HNRNPM: variants seen among roughly 807,000 people sequenced by gnomAD.
HNRNPM encodes CEA receptor.
HNRNPM carries 11 observed loss-of-function variants against 73.1 expected under a neutral mutation model. That is an observed-to-expected ratio of 0.15 (90% CI 0.09 to 0.25). HNRNPM has a LOEUF of 0.25. HNRNPM is among the 10% of genes least tolerant of loss of function. The pLI is 1.00. For synonymous variants in HNRNPM, 407 were observed against 355.2 expected (o/e 1.15, Z -1.64); for missense variants, 789 against 1,067.9 (o/e 0.74, Z 3.64).
rs768607152 is a variant in HNRNPM at position 8,462,988 on chromosome 19, G to A, written c.336+407G>A. Among the ~76,000 whole-genome samples the A allele has an allele frequency of 8.5e-5, 13 of 152,182 alleles. No individual in the cohort carries two copies. Among genetic ancestry groups the A allele is most frequent in the South Asian group, 2.1e-4 (1 of 4,834 alleles). On this transcript the variant is annotated intron_variant, in intron 3 of 15. Transcript: ENST00000325495. The surrounding 1 kb of genome is among the most constrained non-coding windows in gnomAD (Gnocchi z 4.5). ...GAAAGTTGTGTGAACCAAAGATTCC[G>A]AAAAGTTGCCTTTGTGCCAGTAAAT...
intron 9 of HNRNPM, 74 bp from the exon 10 acceptor site, chr19:8,471,252 A>T: frequency 1.1e-6 from 1 of 914,930 alleles, no homozygotes; most frequent in Non-Finnish European, 1.6e-6. Flanking sequence ...GCAACTCACT[A>T]AACACTCTTT....
chr19:8,472,008 T>C (rs1970175893), intron 10 of HNRNPM, among the ~76,000 whole-genome samples: 1 of 151,968 alleles, frequency 6.6e-6, no homozygotes, highest in East Asian at 1.9e-4. Context: ...CCATCTCTAC[T>C]AAAAATAAAA....
intron 1 of HNRNPM, among the ~76,000 whole-genome samples, 190 bp from the exon 2 acceptor site, chr19:8,455,215 A>G: frequency 6.6e-6 from 1 of 152,104 alleles, no homozygotes; most frequent in East Asian, 1.9e-4. Flanking sequence ...TCCTGGCCTC[A>G]AATGATCCCC....
intron 8 of HNRNPM, 85 bp from the exon 9 acceptor site, chr19:8,468,678 CTGGTCCTCTCT>C (rs1969925226): frequency 1.2e-6 from 1 of 867,826 alleles, no homozygotes; most frequent in African/African-American, 1.7e-5. Context: ...ATGTGTTTAG[CTGGTCCTCTCT>C]TGATGGGGGG....
At chr19:8,449,860 C>T (rs1288127897) in intron 1 of HNRNPM, among the ~76,000 whole-genome samples, 2 of 152,138 alleles carry the variant, frequency 1.3e-5, no homozygotes, top group East Asian at 1.9e-4. Context: ...AAGCTGTAAG[C>T]GTGTAGGTAG....
intron 1 of HNRNPM, among the ~76,000 whole-genome samples, chr19:8,454,348 C>T (rs1223119765): frequency 6.6e-6 from 1 of 152,180 alleles, no homozygotes; most frequent in East Asian, 1.9e-4. Flanking sequence ...CAGTGACTGG[C>T]TTATTTCACT....
At chr19:8,470,918 G>T (rs536088587) in intron 9 of HNRNPM, among the ~76,000 whole-genome samples, 5 of 152,248 alleles carry the variant, frequency 3.3e-5, no homozygotes, top group African/African-American at 7.2e-5. Flanking sequence ...TGATTGGCTG[G>T]TTTGTAACGT....
chr19:8,447,253 T>A (rs1215624663), intron 1 of HNRNPM, among the ~76,000 whole-genome samples: 2 of 114,056 alleles, frequency 1.8e-5, no homozygotes, highest in Non-Finnish European at 3.6e-5. Flanking sequence ...ATAGGGCCTG[T>A]GGAAAACTTT....
chr19:8,483,687 C>T (rs1166037928), intron 13 of HNRNPM, among the ~76,000 whole-genome samples: 3 of 152,238 alleles, frequency 2.0e-5, no homozygotes, highest in African/African-American at 4.8e-5. Flanking sequence ...GAAACCCCAT[C>T]GCCCAGTGAT....
intron 15 of HNRNPM, chr19:8,488,271 A>T (rs1568308606): frequency 6.4e-6 from 1 of 155,934 alleles, no homozygotes; most frequent in Non-Finnish European, 1.4e-5. Context: ...CTGGATGCTT[A>T]ACGGGTGCTC....
chr19:8,466,414 A>T (rs1568276927), intron 7 of HNRNPM, 26 bp downstream of exon 7: 1 of 1,612,436 alleles, frequency 6.2e-7, no homozygotes, highest in Non-Finnish European at 8.5e-7. Flanking sequence ...AATTCAACTT[A>T]TGAACAGTTT....
chr19:8,468,052 C>A (rs1235445366), intron 8 of HNRNPM, among the ~76,000 whole-genome samples: 1 of 151,496 alleles, frequency 6.6e-6, no homozygotes, highest in East Asian at 1.9e-4. Context: ...GAAAAAAAAA[C>A]ATTTTGCTCA....
intron 13 of HNRNPM, among the ~76,000 whole-genome samples, chr19:8,483,631 AATAG>A (rs1274807752): frequency 6.6e-6 from 1 of 152,262 alleles, no homozygotes; most frequent in Non-Finnish European, 1.5e-5. Flanking sequence ...ATGCTTGTAA[AATAG>A]ATAAATGTAC....
intron 12 of HNRNPM, among the ~76,000 whole-genome samples, chr19:8,475,174 CAGT>C (rs1489027192): frequency 2.0e-5 from 3 of 152,250 alleles, no homozygotes; most frequent in Admixed American, 1.3e-4. Flanking sequence ...GACTGGTAAA[CAGT>C]GGTGCCTGCA....
At position 8,489,096 on chromosome 19, in the gene HNRNPM, A is replaced by T. The variant is rs543489961; in HGVS notation, c.*242A>T. On this transcript the variant is annotated 3_prime_UTR_variant, in exon 16 of 16. Transcript: ENST00000325495. ...TGACATCGAATATGACTTTGATAAT[A>T]AATACCGGTTCCTGAAAACGGCCTG... 2.6e-4 allele frequency: 107 copies of T among 412,810 alleles called. No individual in the cohort carries two copies. The South Asian group carries it at 2.8e-3, about 11-fold the overall frequency. 25.6% of individuals were successfully genotyped at this position (412,810 alleles called of 1,614,324 possible).
chr19:8,455,467 A>T lies in HNRNPM; in HGVS notation c.176A>T (p.Asn59Ile). 6.2e-7 allele frequency: 1 copy of T among 1,613,958 alleles called. No homozygotes were observed. The highest frequency in any genetic ancestry group is 1.1e-5 in the South Asian group (1 of 91,078). Residue 59 changes from asparagine (N) to isoleucine (I), a missense_variant, in exon 2 of 16, where the codon AAT becomes ATT. Asn to Ile is a moderately radical substitution (Grantham distance 149). Transcript: ENST00000325495. ...RKEKNIKRGG[N>I]RFEPYANPTK... ...GAGAAAAACATAAAAAGAGGAGGCA[A>T]TCGCTTTGAGCCATATGCCAATCCA... is the stretch of plus-strand genomic sequence containing the variant.
chr19:8,459,483 C>G (rs1969251863), intron 2 of HNRNPM, among the ~76,000 whole-genome samples: 1 of 152,112 alleles, frequency 6.6e-6, no homozygotes, highest in Non-Finnish European at 1.5e-5. Flanking sequence ...TCTGTGCACT[C>G]CCCTCGCCCA....
chr19:8,486,222 G>C lies in HNRNPM; in HGVS notation c.1794G>C (p.Pro598=). 1 of 1,590,874 alleles carries C rather than the reference G, an allele frequency of 6.3e-7. No homozygotes were observed. Among genetic ancestry groups the C allele is most frequent in the Non-Finnish European group, 8.5e-7 (1 of 1,169,652 alleles). The change falls in exon 14 of 16, where the codon CCG becomes CCC. Residue 598 remains proline (P), a synonymous_variant. Coordinates refer to ENST00000325495, the MANE Select transcript of HNRNPM (RefSeq NM_005968.5). ...SLERMGPAMG[P]ALGAGIERMG... is the part of the protein sequence containing the mutation. ...AGCGCATGGGCCCTGCCATGGGCCC[G>C]GCCCTGGGCGCTGGCATTGAGCGCA... is the stretch of plus-strand genomic sequence containing the variant.
intron 1 of HNRNPM, among the ~76,000 whole-genome samples, chr19:8,446,072 C>G (rs1214683576): frequency 6.6e-6 from 1 of 152,184 alleles, no homozygotes; most frequent in Non-Finnish European, 1.5e-5. Flanking sequence ...GTTTTGGCTC[C>G]AAGATCAGCG....
Sources: gnomAD v4.1 joint callset for allele counts (sites outside exome capture counted in the v4.1 genomes callset) on GRCh38, gnomAD v4.1.1 for gene constraint, Gnocchi (gnomAD v3.1) non-coding constraint, MANE v1.5 for transcripts, NCBI Gene and HGNC (gene_info 2026-07-23, HGNC 2026-07-21) for gene names.